DCLK1: variants seen among roughly 807,000 people sequenced by gnomAD.
The protein encoded by DCLK1 is serine/threonine-protein kinase DCLK1.
Under a neutral mutation model 86.2 loss-of-function variants are expected in DCLK1, and 16 were observed. The ratio of observed to expected loss-of-function variants is 0.19; its 90% confidence interval spans 0.13 to 0.28. The LOEUF is 0.28. Ranked by LOEUF, DCLK1 falls within the 10% of genes least tolerant of loss-of-function variation. The pLI is 1.00. For synonymous variants in DCLK1, 369 were observed against 370.5 expected (o/e 1.00, Z 0.05); for missense variants, 590 against 940.2 (o/e 0.63, Z 4.87).
chr13:35,812,315 G>C (rs978263188), intron 11 of DCLK1, among the ~76,000 whole-genome samples: 10 of 100,866 alleles, frequency 9.9e-5, no homozygotes, highest in Admixed American at 9.4e-4. Context: ...TTCCAGCAAG[G>C]GCAATCTTCA....
At chr13:35,994,082 A>G (rs1880369458) in intron 3 of DCLK1, among the ~76,000 whole-genome samples, 1 of 145,938 alleles carries the variant, frequency 6.9e-6, no homozygotes, top group African/African-American at 2.6e-5. Context: ...GAAAAAAAGA[A>G]AAGGGGAAAA....
chr13:36,082,916 C>T (rs1884468669), intron 3 of DCLK1, among the ~76,000 whole-genome samples: 1 of 152,056 alleles, frequency 6.6e-6, no homozygotes, highest in Admixed American at 6.5e-5. Flanking sequence ...TAGAAAAAGG[C>T]AATAGTTGCC....
intron 3 of DCLK1, among the ~76,000 whole-genome samples, chr13:36,013,539 C>T (rs370272136): frequency 5.9e-5 from 9 of 152,244 alleles, no homozygotes; most frequent in Admixed American, 4.6e-4. Flanking sequence ...TTAGGCTGCT[C>T]GGGGGTCAGG....
chr13:36,004,235 T>C (rs1880848360), intron 3 of DCLK1, among the ~76,000 whole-genome samples: 1 of 152,224 alleles, frequency 6.6e-6, no homozygotes, highest in African/African-American at 2.4e-5. Flanking sequence ...CCACTGTGTC[T>C]GCATTTCCAG....
chr13:35,826,380 G>A (rs912693353), intron 10 of DCLK1, among the ~76,000 whole-genome samples: 4 of 150,898 alleles, frequency 2.7e-5, no homozygotes, highest in Admixed American at 6.6e-5. Flanking sequence ...AAAATTAGCC[G>A]GGCGTGGTGG....
intron 4 of DCLK1, among the ~76,000 whole-genome samples, chr13:35,907,002 A>C (rs1874723623): frequency 6.6e-6 from 1 of 152,186 alleles, no homozygotes; most frequent in Non-Finnish European, 1.5e-5. Context: ...CCTTAAAAAC[A>C]GTGTCACCTA....
chr13:35,839,211 G>A (rs1409137396), intron 6 of DCLK1, 35 bp from the exon 7 acceptor site: 3 of 1,540,884 alleles, frequency 1.9e-6, no homozygotes, highest in South Asian at 2.4e-5. Flanking sequence ...TTCAAAAACT[G>A]GGTCAGAATG....
At chr13:35,914,369 GTATATATA>G (rs34226717) in intron 4 of DCLK1, among the ~76,000 whole-genome samples, 1,731 of 117,660 alleles carry the variant, frequency 0.015, 98 homozygotes, top group African/African-American at 0.058. Context: ...ATATATATAT[GTATATATA>G]TATATATATA....
At chr13:36,071,009 T>G (rs1389066544) in intron 3 of DCLK1, among the ~76,000 whole-genome samples, 1 of 152,140 alleles carries the variant, frequency 6.6e-6, no homozygotes, top group Non-Finnish European at 1.5e-5. Flanking sequence ...GATACTTGCT[T>G]GGCCTCCAAG....
intron 4 of DCLK1, among the ~76,000 whole-genome samples, chr13:35,877,821 G>C (rs955941732): frequency 6.6e-6 from 1 of 152,182 alleles, no homozygotes; most frequent in Admixed American, 6.5e-5. Flanking sequence ...CCTCTCTGTT[G>C]CTATATGCAA....
chr13:36,085,005 C>T (rs1399264369), intron 3 of DCLK1, among the ~76,000 whole-genome samples: 1 of 152,124 alleles, frequency 6.6e-6, no homozygotes, highest in Non-Finnish European at 1.5e-5. Context: ...CACCATGTGG[C>T]CAAAGATAGA....
At chr13:36,129,963 G>GA (rs1010174130) in intron 1 of DCLK1, among the ~76,000 whole-genome samples, 15 of 151,854 alleles carry the variant, frequency 9.9e-5, no homozygotes, top group African/African-American at 2.2e-4. Flanking sequence ...TATATACCAA[G>GA]AAAAAAATGG....
chr13:35,855,154 G>A (rs576987083), intron 5 of DCLK1, among the ~76,000 whole-genome samples: 87 of 152,316 alleles, frequency 5.7e-4, no homozygotes, highest in African/African-American at 2.0e-3. Flanking sequence ...CAGACGCTGA[G>A]AAACTCCTCA....
At chr13:36,073,327 A>G (rs1166179097) in intron 3 of DCLK1, among the ~76,000 whole-genome samples, 1 of 152,172 alleles carries the variant, frequency 6.6e-6, no homozygotes, top group Non-Finnish European at 1.5e-5. Context: ...ACTATTTTTA[A>G]GGGCCTCTTA....
In DCLK1 at chr13:36,112,324, A is replaced by C. The variant is rs113107302; in HGVS notation, c.377-109T>G. On this transcript the variant is annotated intron_variant, in intron 2 of 16. Coordinates refer to ENST00000360631, the MANE Select transcript of DCLK1 (RefSeq NM_001330071.2). ...TGCTTAGGGGCAAGAGCTAGCCCTG[A>C]CTTTTCAAACAATGGAAGTGTGATT... 6.3e-3 allele frequency: 4,821 copies of C among 764,364 alleles called. 164 individuals carry two copies. The African/African-American group carries it at 0.076, about 12-fold the overall frequency. 47.3% of individuals were successfully genotyped at this position (764,364 alleles called of 1,614,324 possible).
chr13:35,993,002 T>C (rs1880305326), intron 3 of DCLK1, among the ~76,000 whole-genome samples: 1 of 152,202 alleles, frequency 6.6e-6, no homozygotes, highest in Non-Finnish European at 1.5e-5. Context: ...TAAATCCAAA[T>C]TCAGGCATTC....
At chr13:35,785,281 T>C (rs1263737276) in intron 16 of DCLK1, among the ~76,000 whole-genome samples, 2 of 152,104 alleles carry the variant, frequency 1.3e-5, no homozygotes, top group African/African-American at 4.8e-5. Flanking sequence ...AAGGTAGAAA[T>C]GTGTGTGACA....
intron 2 of DCLK1, among the ~76,000 whole-genome samples, chr13:36,124,095 G>C (rs1886084746): frequency 6.6e-6 from 1 of 152,186 alleles, no homozygotes; most frequent in Non-Finnish European, 1.5e-5. Context: ...GTCTTAGGAT[G>C]TGCTTTGAGA....
chr13:35,854,230 C>A (rs1272298115), intron 6 of DCLK1, among the ~76,000 whole-genome samples: 2 of 152,172 alleles, frequency 1.3e-5, no homozygotes, highest in Non-Finnish European at 2.9e-5. Context: ...GCTAATAAAG[C>A]CTGTGCATTC....
Sources: allele counts gnomAD v4.1 joint callset (sites outside exome capture counted in the v4.1 genomes callset), GRCh38; gene constraint gnomAD v4.1.1; transcripts MANE v1.5; gene names NCBI Gene and HGNC (gene_info 2026-07-23, HGNC 2026-07-21).